DAB1: variants seen among roughly 807,000 people sequenced by gnomAD.
The protein encoded by DAB1 is DAB adaptor protein 1, also known as disabled homolog 1.
A neutral mutation model predicts 64.6 loss-of-function variants in DAB1; 15 were observed. The observed-to-expected ratio is 0.23, with a 90% CI of 0.16 to 0.36. The LOEUF (loss-of-function observed/expected upper bound fraction) is 0.36, where lower values mean the gene tolerates loss of function less well. Among genes scored for constraint, DAB1 ranks in the 10% least tolerant of loss-of-function variants. The pLI is 1.00. For synonymous variants in DAB1, 235 were observed against 251.9 expected (o/e 0.93, Z 0.64); for missense variants, 596 against 706.7 (o/e 0.84, Z 1.78).
chr1:57,572,496 A>G (rs975184539), intron 7 of DAB1, among the ~76,000 whole-genome samples: 5 of 152,178 alleles, frequency 3.3e-5, no homozygotes, highest in African/African-American at 1.2e-4. Context: ...ATATCAGGCA[A>G]GTTACAGCTT....
In DAB1 at chr1:58,105,322, G is replaced by A. The variant is rs146044785; in HGVS notation, n.387+45189C>T. ...AGACCCCATCTGTAAACACTCATCGGCACCCATTAGAAGGACCTTCCTTGC... is the reference window on the plus strand; with the variant it reads ...AGACCCCATCTGTAAACACTCATCGACACCCATTAGAAGGACCTTCCTTGC... On this transcript the variant is annotated intron_variant and non_coding_transcript_variant, in intron 5 of 20. Transcript: ENST00000485760. Among the ~76,000 whole-genome samples, 9 of 152,258 alleles carry A rather than the reference G, an allele frequency of 5.9e-5. No homozygotes were observed. In the East Asian group the frequency reaches 1.7e-3, roughly 29 times the overall value.
intron 5 of DAB1, among the ~76,000 whole-genome samples, chr1:57,909,659 C>A (rs1177353276): frequency 2.0e-5 from 3 of 152,006 alleles, no homozygotes; most frequent in African/African-American, 7.2e-5. Context: ...GCAAAAAATA[C>A]TGCAAAGAAA....
At chr1:57,023,409 C>G in intron 11 of DAB1, 122 bp downstream of exon 11, 1 of 643,780 alleles carries the variant, frequency 1.6e-6, no homozygotes, top group Non-Finnish European at 2.9e-6. Flanking sequence ...TCAATGTCAC[C>G]TGAAGAGTCA....
intron 4 of DAB1, among the ~76,000 whole-genome samples, chr1:58,218,157 G>A (rs1658955075): frequency 6.6e-6 from 1 of 152,120 alleles, no homozygotes; most frequent in Admixed American, 6.5e-5. Flanking sequence ...GGGGGACAGA[G>A]AGAAAGGCTG....
chr1:57,829,891 G>A (rs1652513143), intron 1 of DAB1, among the ~76,000 whole-genome samples: 1 of 152,194 alleles, frequency 6.6e-6, no homozygotes, highest in Non-Finnish European at 1.5e-5. Context: ...CTGCAGTGCT[G>A]GTAATAATAG....
chr1:57,071,740 T>C, intron 5 of DAB1, 99 bp from the exon 6 acceptor site: 2 of 1,147,802 alleles, frequency 1.7e-6, no homozygotes, highest in Non-Finnish European at 2.5e-6. Flanking sequence ...CCTTCCTTTT[T>C]CTATTAATCT....
chr1:57,261,113 C>T (rs1403022147), intron 2 of DAB1, among the ~76,000 whole-genome samples: 6 of 151,986 alleles, frequency 3.9e-5, no homozygotes, highest in Non-Finnish European at 8.8e-5. Context: ...ATGACCACTC[C>T]CACCCTCCCA....
intron 7 of DAB1, among the ~76,000 whole-genome samples, chr1:57,491,513 A>G (rs1644164887): frequency 6.6e-6 from 1 of 152,250 alleles, no homozygotes; most frequent in South Asian, 2.1e-4. Flanking sequence ...CAACAAATAA[A>G]AAAATATAAT....
At chr1:57,245,781 C>T (rs1214934432) in intron 2 of DAB1, among the ~76,000 whole-genome samples, 1 of 152,154 alleles carries the variant, frequency 6.6e-6, no homozygotes, top group Non-Finnish European at 1.5e-5. Context: ...ATTTATAATC[C>T]TTTGGGTATA....
At chr1:57,160,001 GAGTGACT>G (rs1660601092) in intron 2 of DAB1, among the ~76,000 whole-genome samples, 2 of 152,076 alleles carry the variant, frequency 1.3e-5, no homozygotes, top group Admixed American at 1.3e-4. Flanking sequence ...GCAAATCAAG[GAGTGACT>G]AGTCTGACTT....
intron 3 of DAB1, among the ~76,000 whole-genome samples, chr1:58,354,360 C>T (rs185181956): frequency 6.6e-6 from 1 of 152,240 alleles, no homozygotes; most frequent in Admixed American, 6.5e-5. Flanking sequence ...GCACATAAAC[C>T]TGCCCCATCA....
chr1:57,909,226 T>C (rs796135966), intron 5 of DAB1, among the ~76,000 whole-genome samples: 38 of 152,278 alleles, frequency 2.5e-4, no homozygotes, highest in African/African-American at 8.7e-4. Context: ...GTGAGTCACA[T>C]TTCCACTCTG....
intron 1 of DAB1, among the ~76,000 whole-genome samples, chr1:57,370,291 T>A (rs1558255339): frequency 6.6e-6 from 1 of 152,132 alleles, no homozygotes; most frequent in South Asian, 2.1e-4. Context: ...CAAAATAAGA[T>A]AATAAGAAAG....
chr1:58,448,371 T>C (rs1345985616), intron 3 of DAB1, among the ~76,000 whole-genome samples: 1 of 152,162 alleles, frequency 6.6e-6, no homozygotes, highest in African/African-American at 2.4e-5. Flanking sequence ...AGAAAGTAGA[T>C]AACAGAAATT....
intron 5 of DAB1, among the ~76,000 whole-genome samples, chr1:57,976,728 C>G (rs976916033): frequency 6.6e-6 from 1 of 152,184 alleles, no homozygotes; most frequent in Admixed American, 6.5e-5. Context: ...GATATACTTT[C>G]TCTGTAGAGA....
chr1:58,428,237 T>C (rs1448289612), intron 3 of DAB1, among the ~76,000 whole-genome samples: 1 of 152,184 alleles, frequency 6.6e-6, no homozygotes, highest in African/African-American at 2.4e-5. Context: ...TAACTGGACA[T>C]AGTGTGTTTC....
At chr1:57,438,719 T>C (rs1282168028) in intron 7 of DAB1, among the ~76,000 whole-genome samples, 1 of 152,178 alleles carries the variant, frequency 6.6e-6, no homozygotes, top group Non-Finnish European at 1.5e-5. Context: ...TGATAATACA[T>C]TTAGTTCTTT....
intron 7 of DAB1, among the ~76,000 whole-genome samples, chr1:57,542,663 A>G (rs1235965295): frequency 1.3e-5 from 2 of 151,970 alleles, no homozygotes; most frequent in African/African-American, 4.8e-5. Flanking sequence ...AAGCAAGGCA[A>G]GCTAAGGATG....
At chr1:57,365,916 AAG>A (rs1306163596) in intron 1 of DAB1, among the ~76,000 whole-genome samples, 102 of 152,290 alleles carry the variant, frequency 6.7e-4, no homozygotes, top group Non-Finnish European at 1.9e-4. Context: ...CTAGTTCTAA[AAG>A]AGAGGAAATA....
Sources: allele counts gnomAD v4.1 joint callset (sites outside exome capture counted in the v4.1 genomes callset), GRCh38; gene constraint gnomAD v4.1.1; transcripts MANE v1.5; gene names NCBI Gene and HGNC (gene_info 2026-07-23, HGNC 2026-07-21).